The following SCARB1 variants were observed in gnomAD, a reference collection of about 807,000 sequenced individuals.
SCARB1 encodes CD36 and LIMPII analogous 1.
SCARB1 carries 30 observed loss-of-function variants against 57.2 expected under a neutral mutation model. That is an observed-to-expected ratio of 0.52 (90% CI 0.39 to 0.71). The LOEUF (loss-of-function observed/expected upper bound fraction) is 0.71, where lower values mean the gene tolerates loss of function less well. Among genes scored for constraint, SCARB1 ranks in the 30% least tolerant of loss-of-function variants. The pLI is 0.00. For missense variants in SCARB1, 543 were observed against 671.2 expected (o/e 0.81, Z 2.11); for synonymous variants, 249 against 268.3 (o/e 0.93, Z 0.70).
intron 12 of SCARB1, among the ~76,000 whole-genome samples, chr12:124,780,497 G>C (rs1208558570): frequency 6.6e-6 from 1 of 152,220 alleles, no homozygotes; most frequent in East Asian, 1.9e-4. Flanking sequence ...GACCCAAGAG[G>C]GGGCAGCAGT....
rs1405969693 is a variant in SCARB1, at chr12:124,810,387, C to T, written c.727-98G>A. On this transcript the variant is annotated intron_variant, in intron 5 of 12. Transcript: ENST00000261693. The surrounding 1 kb of genome is among the most constrained non-coding windows in gnomAD (Gnocchi z 4.0). The stretch of plus-strand genomic sequence containing the variant: ...CACCTAACTCACCCTGGTGCACGCA[C>T]GGCCACTCAATTCCCAATACTGGCA... 2.1e-5 allele frequency: 17 copies of T among 819,996 alleles called. No homozygotes were observed. Among genetic ancestry groups the T allele is most frequent in the Middle Eastern group, 4.5e-4 (2 of 4,476 alleles). The allele number at this position is 819,996 out of a possible 1,614,324, so 50.8% of individuals were successfully genotyped here.
At chr12:124,851,097 G>C (rs886615854) in intron 1 of SCARB1, among the ~76,000 whole-genome samples, 1 of 152,204 alleles carries the variant, frequency 6.6e-6, no homozygotes, top group Non-Finnish European at 1.5e-5. Flanking sequence ...CAGCCAATGA[G>C]CATTGACTCC....
intron 1 of SCARB1, among the ~76,000 whole-genome samples, chr12:124,861,848 G>A (rs1952913969): frequency 6.7e-6 from 1 of 150,074 alleles, no homozygotes; most frequent in East Asian, 2.0e-4. Flanking sequence ...GAGGAGTGGG[G>A]AAATTTGGTG....
rs927934472 is a variant in SCARB1 at position 124,863,646 on chromosome 12, G to A, written c.75C>T (p.Gly25=). 3.6e-5 allele frequency: 57 copies of A among 1,593,522 alleles called. No homozygotes were observed. Among genetic ancestry groups the A allele is most frequent in the Non-Finnish European group, 4.8e-5 (56 of 1,170,720 alleles). The stretch of plus-strand genomic sequence containing the variant: ...ACGGCACCATCACGATCATGACAGC[G>A]CCCAGCACAGCGCACAGTAGCCCCG... ...GVAGLLCAVL[G]AVMIVMVPSL... The change falls in exon 1 of 13, where the codon GGC becomes GGT. Residue 25 remains glycine, a synonymous_variant. Coordinates refer to ENST00000261693, the MANE Select transcript of SCARB1 (RefSeq NM_005505.5).
At chr12:124,837,530 A>G (rs1283599847) in intron 1 of SCARB1, among the ~76,000 whole-genome samples, 5 of 98,748 alleles carry the variant, frequency 5.1e-5, no homozygotes, top group African/African-American at 2.2e-4. Flanking sequence ...AAAGGAAAGA[A>G]AAAGAAAGAA....
chr12:124,779,190 C>A (rs1872911651), intron 12 of SCARB1, among the ~76,000 whole-genome samples: 1 of 152,136 alleles, frequency 6.6e-6, no homozygotes, highest in South Asian at 2.1e-4. Context: ...CTCAGGCGAT[C>A]CTCTCACCTC....
At chr12:124,809,998 T>C (rs1181180447) in intron 6 of SCARB1, among the ~76,000 whole-genome samples, 176 bp downstream of exon 6, 1 of 152,138 alleles carries the variant, frequency 6.6e-6, no homozygotes, top group Non-Finnish European at 1.5e-5. Flanking sequence ...GTAGAGGCAT[T>C]GGCAGCTGGA....
At position 124,807,882 on chromosome 12, in the gene SCARB1, G is replaced by A; in HGVS notation, c.888C>T (p.Ile296=). Residue 296 remains isoleucine (I), a synonymous_variant, in exon 7 of 13, where the codon ATC becomes ATT. Coordinates refer to ENST00000261693, the MANE Select transcript of SCARB1 (RefSeq NM_005505.5). This position sits in a 1 kb window ranked among gnomAD's most constrained non-coding sequence, Gnocchi z 5.3. Reference sequence around the variant, plus strand: ...TGGGAGCCACGAAGCGATAGGTGGGGATGCCTTCAAACACCCCTGACTCCT... The same window carrying A: ...TGGGAGCCACGAAGCGATAGGTGGGAATGCCTTCAAACACCCCTGACTCCT... The part of the protein sequence containing the change: ...MYKESGVFEG[I]PTYRFVAPKT... 6.2e-7 allele frequency: 1 copy of A among 1,614,146 alleles called. No individual in the cohort carries two copies. The highest frequency in any genetic ancestry group is 8.5e-7 in the Non-Finnish European group (1 of 1,180,006).
intron 1 of SCARB1, among the ~76,000 whole-genome samples, chr12:124,860,489 G>A (rs900063779): frequency 1.3e-4 from 20 of 152,208 alleles, no homozygotes; most frequent in Admixed American, 7.2e-4. Flanking sequence ...AGAGACACAC[G>A]GGAACTTGGC....
intron 1 of SCARB1, among the ~76,000 whole-genome samples, chr12:124,859,818 T>C (rs1952813558): frequency 6.6e-6 from 1 of 151,928 alleles, no homozygotes; most frequent in Admixed American, 6.6e-5. Context: ...AAAATAAAAA[T>C]AAAAATGGAA....
intron 1 of SCARB1, among the ~76,000 whole-genome samples, chr12:124,844,820 T>TTC (rs1594372538): frequency 1.4e-5 from 2 of 142,692 alleles, no homozygotes; most frequent in East Asian, 4.6e-4. Context: ...TTTCTTTCTT[T>TTC]TTTTTTTTTT....
Position 124,778,567 on chromosome 12 carries a change from C to T in SCARB1, c.*20G>A, listed in dbSNP as rs1204682326. 9 of 1,397,084 alleles carry T rather than the reference C, an allele frequency of 6.4e-6. No homozygotes were observed. The highest frequency in any genetic ancestry group is 8.4e-6 in the Non-Finnish European group (9 of 1,075,520). 86.5% of individuals were successfully genotyped at this position (1,397,084 alleles called of 1,614,324 possible). A position where few individuals can be genotyped will look rare whatever the true frequency, so the allele number is the denominator to read the frequency against. On this transcript the variant is annotated 3_prime_UTR_variant, in exon 13 of 13. Transcript: ENST00000261693. ...AGGCCCAGCGGCCAGGCCTGGCTGG[C>T]TCACGGTGTCCTCAGGACCCTGTGG...
In SCARB1 at chr12:124,863,619, C is replaced by T. The variant is rs376883551; in HGVS notation, c.102G>A (p.Ser34=). The stretch of plus-strand genomic sequence containing the variant: ...CCTTAAGGACCTGCTGCTTGATGAG[C>T]GACGGCACCATCACGATCATGACAG... ...LGAVMIVMVP[S]LIKQQVLKNV... The change falls in exon 1 of 13, where the codon TCG becomes TCA. Residue 34 remains serine (S), a synonymous_variant. Coordinates refer to ENST00000261693, the MANE Select transcript of SCARB1 (RefSeq NM_005505.5). 3.4e-5 allele frequency: 55 copies of T among 1,601,782 alleles called. No individual in the cohort carries two copies. The African/African-American group carries it at 6.1e-4, about 18-fold the overall frequency.
intron 1 of SCARB1, among the ~76,000 whole-genome samples, chr12:124,861,723 G>A (rs1053996973): frequency 1.3e-5 from 2 of 152,188 alleles, no homozygotes; most frequent in African/African-American, 2.4e-5. Flanking sequence ...CAAACCAATC[G>A]CCTTTGGGAT....
chr12:124,847,711 G>A (rs1952220616), intron 1 of SCARB1, among the ~76,000 whole-genome samples: 1 of 152,240 alleles, frequency 6.6e-6, no homozygotes, highest in Non-Finnish European at 1.5e-5. Flanking sequence ...GAAAGCAGGT[G>A]GAGGAAGGGA....
In SCARB1 at chr12:124,778,459, TG is replaced by T; in HGVS notation, c.*127del. ...AGGTGTGCAACAGGCACATGGCAGC[TG>T]GGAGGCTCAGGCTGTGGGGCTGGGG... On this transcript the variant is annotated 3_prime_UTR_variant, in exon 13 of 13. Coordinates refer to ENST00000261693, the MANE Select transcript of SCARB1 (RefSeq NM_005505.5). The T allele has an allele frequency of 7.5e-7, 1 of 1,327,230 alleles. No homozygotes were observed. Among genetic ancestry groups the T allele is most frequent in the Non-Finnish European group, 9.7e-7 (1 of 1,036,088 alleles). 82.2% of individuals were successfully genotyped at this position (1,327,230 alleles called of 1,614,324 possible). A position where few individuals can be genotyped will look rare whatever the true frequency, so the allele number is the denominator to read the frequency against.
chr12:124,855,882 G>GCTTGGC (rs1236703398), intron 1 of SCARB1, among the ~76,000 whole-genome samples: 3 of 152,210 alleles, frequency 2.0e-5, no homozygotes, highest in Non-Finnish European at 4.4e-5. Flanking sequence ...CAACAAGCCT[G>GCTTGGC]CAGCAAATCG....
intron 1 of SCARB1, among the ~76,000 whole-genome samples, chr12:124,857,090 C>T (rs759608646): frequency 1.3e-5 from 2 of 152,004 alleles, no homozygotes; most frequent in Non-Finnish European, 2.9e-5. Context: ...AGCATGCAGT[C>T]GACCTGCTCA....
intron 1 of SCARB1, among the ~76,000 whole-genome samples, chr12:124,858,010 T>C (rs1003048182): frequency 2.0e-5 from 3 of 152,166 alleles, no homozygotes; most frequent in African/African-American, 7.2e-5. Context: ...CTTGGATGTG[T>C]GCCCCCCAGG....
Sources: gnomAD v4.1 joint callset for allele counts (sites outside exome capture counted in the v4.1 genomes callset) on GRCh38, gnomAD v4.1.1 for gene constraint, Gnocchi (gnomAD v3.1) non-coding constraint, MANE v1.5 for transcripts, NCBI Gene and HGNC (gene_info 2026-07-23, HGNC 2026-07-21) for gene names.